The following GPR39 variants were observed in gnomAD, a reference collection of about 807,000 sequenced individuals.
GPR39 encodes zinc sensing receptor.
GPR39 carries 23 observed loss-of-function variants against 18.4 expected under a neutral mutation model. That is an observed-to-expected ratio of 1.25 (90% CI 0.90 to 1.77). GPR39 has a LOEUF of 1.77. GPR39 is among the 40% of genes most tolerant of loss of function. The probability of loss-of-function intolerance (pLI) is 0.00; values close to 1 mark genes in which losing one functional copy is unlikely to be tolerated. For missense variants in GPR39, 647 were observed against 602.4 expected (o/e 1.07, Z -0.78); for synonymous variants, 280 against 257.9 (o/e 1.09, Z -0.82).
At chr2:132,528,175 A>T (rs1239494544) in intron 1 of GPR39, among the ~76,000 whole-genome samples, 1 of 152,186 alleles carries the variant, frequency 6.6e-6, no homozygotes, top group Non-Finnish European at 1.5e-5. Flanking sequence ...AGTACCACTT[A>T]TTAAATGGGG....
At chr2:132,486,150 T>G (rs548375831) in intron 1 of GPR39, among the ~76,000 whole-genome samples, 1 of 152,228 alleles carries the variant, frequency 6.6e-6, no homozygotes, top group East Asian at 1.9e-4. Context: ...AATCTTGTTT[T>G]CTGAGCAGTA....
chr2:132,548,442 G>A (rs933436658), intron 1 of GPR39, among the ~76,000 whole-genome samples: 2 of 152,166 alleles, frequency 1.3e-5, no homozygotes, highest in African/African-American at 4.8e-5. Flanking sequence ...ATCTACGCTG[G>A]CAGTTAGACC....
intron 1 of GPR39, among the ~76,000 whole-genome samples, chr2:132,489,259 C>T (rs2104794161): frequency 6.6e-6 from 1 of 152,214 alleles, no homozygotes; most frequent in Admixed American, 6.5e-5. Context: ...GTCTCCAAAA[C>T]CTTCCTTGCA....
chr2:132,598,894 C>G (rs1680993542), intron 1 of GPR39, among the ~76,000 whole-genome samples: 1 of 152,046 alleles, frequency 6.6e-6, no homozygotes, highest in African/African-American at 2.4e-5. Context: ...TGGCACAGGT[C>G]AGGCACATGG....
chr2:132,634,769 G>A (rs1170112798), intron 1 of GPR39, among the ~76,000 whole-genome samples: 1 of 152,190 alleles, frequency 6.6e-6, no homozygotes, highest in Non-Finnish European at 1.5e-5. Flanking sequence ...CCCCCCTCAG[G>A]TGAATTATTT....
At chr2:132,472,724 A>C (rs578021687) in intron 1 of GPR39, among the ~76,000 whole-genome samples, 2 of 152,238 alleles carry the variant, frequency 1.3e-5, no homozygotes, top group South Asian at 2.1e-4. Flanking sequence ...TCTAGTACCA[A>C]ATATACCACT....
chr2:132,544,862 G>A (rs1026910401), intron 1 of GPR39, among the ~76,000 whole-genome samples: 39 of 152,292 alleles, frequency 2.6e-4, no homozygotes, highest in Admixed American at 9.1e-4. Context: ...CTCAGAATGG[G>A]AAGTGCATGC....
intron 1 of GPR39, among the ~76,000 whole-genome samples, chr2:132,427,329 A>G (rs1680144211): frequency 7.2e-6 from 1 of 138,624 alleles, no homozygotes; most frequent in South Asian, 2.2e-4. Flanking sequence ...ACACCTGGCT[A>G]ATATATTTTT....
intron 1 of GPR39, among the ~76,000 whole-genome samples, chr2:132,449,235 T>TTTTTTTTG (rs1553448177): frequency 7.3e-5 from 6 of 82,678 alleles, no homozygotes; most frequent in South Asian, 6.0e-4. Flanking sequence ...CTTCGTGTTT[T>TTTTTTTTG]TTTGTTTGTT....
At chr2:132,470,301 G>T (rs1681006148) in intron 1 of GPR39, among the ~76,000 whole-genome samples, 1 of 152,162 alleles carries the variant, frequency 6.6e-6, no homozygotes, top group East Asian at 1.9e-4. Context: ...AGGTAGACAG[G>T]TGTTCATTTT....
At chr2:132,578,470 A>C (rs1680566494) in intron 1 of GPR39, among the ~76,000 whole-genome samples, 1 of 152,092 alleles carries the variant, frequency 6.6e-6, no homozygotes, top group Non-Finnish European at 1.5e-5. Flanking sequence ...TATTTGGTAG[A>C]ATTCTCTAGT....
At position 132,554,607 on chromosome 2, in the gene GPR39, GC is replaced by G. The variant is rs1680110530; in HGVS notation, c.857-90490del. On this transcript the variant is annotated intron_variant, in intron 1 of 1. Coordinates refer to ENST00000329321, the MANE Select transcript of GPR39 (RefSeq NM_001508.3). ...CCCCAGCTGATAGCTACAGTGACCTGCCCCATCAGCAACAAGCACTTCCTAT... is the reference window on the plus strand; with the variant it reads ...CCCCAGCTGATAGCTACAGTGACCTGCCCATCAGCAACAAGCACTTCCTAT... Among the ~76,000 whole-genome samples, 3 of 152,162 alleles carry G rather than the reference GC, an allele frequency of 2.0e-5. No homozygotes were observed. In the South Asian group the frequency reaches 6.2e-4, roughly 32 times the overall value.
rs149499471 is a variant in GPR39 at position 132,617,341 on chromosome 2, G to C, written c.857-27760G>C. On this transcript the variant is annotated intron_variant, in intron 1 of 1. Transcript: ENST00000329321. Reference sequence around the variant, plus strand: ...ATATTACAGAGTTGTTTTCGAGGAGGCTGAGCAGGCTTTCTTTTTAAATTA... The same window carrying C: ...ATATTACAGAGTTGTTTTCGAGGAGCCTGAGCAGGCTTTCTTTTTAAATTA... 2.6e-3 allele frequency among the ~76,000 whole-genome samples: 403 copies of C among 152,132 alleles called. 2 individuals carry two copies. Among genetic ancestry groups the C allele is most frequent in the African/African-American group, 9.4e-3 (392 of 41,506 alleles).
intron 1 of GPR39, among the ~76,000 whole-genome samples, chr2:132,569,465 G>A (rs894830226): frequency 3.9e-5 from 6 of 152,026 alleles, no homozygotes; most frequent in South Asian, 2.1e-4. Context: ...TCTGAGCAGC[G>A]GGACCACACC....
chr2:132,460,921 A>G (rs1022020821), intron 1 of GPR39, among the ~76,000 whole-genome samples: 27 of 152,292 alleles, frequency 1.8e-4, no homozygotes, highest in African/African-American at 6.5e-4. Context: ...GCAGGCTGCC[A>G]GGGACATCCT....
At chr2:132,473,839 C>T (rs1181770626) in intron 1 of GPR39, among the ~76,000 whole-genome samples, 1 of 152,200 alleles carries the variant, frequency 6.6e-6, no homozygotes, top group Non-Finnish European at 1.5e-5. Flanking sequence ...TGCAGTATTG[C>T]ATCCAATTTA....
At chr2:132,480,389 T>C (rs1379401548) in intron 1 of GPR39, among the ~76,000 whole-genome samples, 1 of 152,134 alleles carries the variant, frequency 6.6e-6, no homozygotes, top group Non-Finnish European at 1.5e-5. Flanking sequence ...TAAAAATGGT[T>C]AAGATGGTAA....
intron 1 of GPR39, among the ~76,000 whole-genome samples, chr2:132,522,284 T>A (rs946832146): frequency 6.6e-5 from 10 of 152,212 alleles, no homozygotes; most frequent in Non-Finnish European, 1.3e-4. Context: ...AAATGATCGC[T>A]CATTTATTTG....
chr2:132,590,083 C>T (rs1446546691), intron 1 of GPR39, among the ~76,000 whole-genome samples: 1 of 152,190 alleles, frequency 6.6e-6, no homozygotes, highest in Non-Finnish European at 1.5e-5. Context: ...AACAGTTTAT[C>T]ATTTGTTCTT....
Sources: allele counts gnomAD v4.1 joint callset (sites outside exome capture counted in the v4.1 genomes callset), GRCh38; gene constraint gnomAD v4.1.1; transcripts MANE v1.5; gene names NCBI Gene and HGNC (gene_info 2026-07-23, HGNC 2026-07-21).